The following GABBR1 variants were observed in gnomAD, a reference collection of about 807,000 sequenced individuals.
GABBR1 encodes GABA-B receptor, R1 subunit.
Under a neutral mutation model 117.7 loss-of-function variants are expected in GABBR1, and 35 were observed. The ratio of observed to expected loss-of-function variants is 0.30; its 90% CI spans 0.23 to 0.39. GABBR1 has a LOEUF of 0.39. GABBR1 is among the 10% of genes least tolerant of loss of function. GABBR1 has a pLI of 1.00. For missense variants in GABBR1, 709 were observed against 1,241.8 expected (o/e 0.57, Z 6.45); for synonymous variants, 442 against 486.6 (o/e 0.91, Z 1.21).
rs771277439 is a variant in GABBR1 at position 29,631,511 on chromosome 6, T to G, written c.174A>C (p.Pro58=). The part of the protein sequence containing the change: ...RDQVKAINFL[P]VDYEIEYVCR... ...ACACATACTCAATCTCATAGTCCAC[T>G]GGCAGGAAGTTGATAGCCTTCACCT... is the stretch of plus-strand genomic sequence containing the variant. Residue 58 remains proline (P), a synonymous_variant, in exon 3 of 23, where the codon CCA becomes CCC. Coordinates refer to ENST00000377034, the MANE Select transcript of GABBR1 (RefSeq NM_001470.4). This position sits in a 1 kb window ranked among gnomAD's most constrained non-coding sequence, Gnocchi z 5.9. 6.2e-7 allele frequency: 1 copy of G among 1,614,210 alleles called. No individual in the cohort carries two copies. Among genetic ancestry groups the G allele is most frequent in the East Asian group, 2.2e-5 (1 of 44,886 alleles).
In GABBR1 at chr6:29,632,603, G is replaced by T; in HGVS notation, c.1-218C>A. On this transcript the variant is annotated intron_variant, in intron 1 of 22. Transcript: ENST00000377034. The surrounding 1 kb of genome is among the most constrained non-coding windows in gnomAD (Gnocchi z 5.8). ...TCCCCACCCTCCTCCTGCCTCCCTC[G>T]GCCCCCAACCCTCCCGGGACTCCAC... is the stretch of plus-strand genomic sequence containing the variant. The T allele has an allele frequency of 8.5e-7, 1 of 1,178,898 alleles. No homozygotes were observed. Among genetic ancestry groups the T allele is most frequent in the Non-Finnish European group, 1.1e-6 (1 of 869,806 alleles). The allele number at this position is 1,178,898 out of a possible 1,614,324, so 73.0% of individuals were successfully genotyped here. A position where few individuals can be genotyped will look rare whatever the true frequency, so the allele number is the denominator to read the frequency against.
At chr6:29,608,538 A>C in intron 16 of GABBR1, 63 bp downstream of exon 16, 1 of 1,534,898 alleles carries the variant, frequency 6.5e-7, no homozygotes, top group Non-Finnish European at 8.9e-7. Flanking sequence ...AAATCATGGA[A>C]GGTGCTCCTG....
Position 29,629,262 on chromosome 6 carries a change from A to G in GABBR1, c.476-155T>C, listed in dbSNP as rs548314040. The G allele has an allele frequency of 2.5e-4, 205 of 810,154 alleles. 3 individuals are homozygous for G. In the South Asian group the frequency reaches 2.9e-3, roughly 12 times the overall value. The allele number at this position is 810,154 out of a possible 1,614,324, so 50.2% of individuals were successfully genotyped here. ...GGGGAGGGTGCCTGGGGATAAGAAC[A>G]AGGTGGGTCTGGGGGTAAGGGGGTC... is the stretch of plus-strand genomic sequence containing the variant. On this transcript the variant is annotated intron_variant, in intron 4 of 22. Coordinates refer to ENST00000377034, the MANE Select transcript of GABBR1 (RefSeq NM_001470.4).
chr6:29,610,880 C>T (rs1239036177), intron 14 of GABBR1, 44 bp downstream of exon 14: 5 of 1,526,362 alleles, frequency 3.3e-6, no homozygotes, highest in Non-Finnish European at 4.5e-6. Context: ...TTTCCCTTGA[C>T]TGTCGAGAGG....
chr6:29,614,981 C>CAAAAAAAAA (rs202165362), intron 11 of GABBR1, among the ~76,000 whole-genome samples: 14 of 81,152 alleles, frequency 1.7e-4, no homozygotes, highest in South Asian at 4.4e-4. Flanking sequence ...TAAAACTGCT[C>CAAAAAAAAA]AAAAAAAAAA....
Position 29,609,978 on chromosome 6 carries a change from A to C in GABBR1, c.1709-599T>G, listed in dbSNP as rs1031360649. On this transcript the variant is annotated intron_variant, in intron 14 of 22. Coordinates refer to ENST00000377034, the MANE Select transcript of GABBR1 (RefSeq NM_001470.4). This position sits in a 1 kb window ranked among gnomAD's most constrained non-coding sequence, Gnocchi z 4.3. The stretch of plus-strand genomic sequence containing the variant: ...TTGTCAGAGTTCACCAAAAAAAACT[A>C]ATTTCAATTTGCTTAGTTTTTTTTT... 2.6e-5 allele frequency among the ~76,000 whole-genome samples: 4 copies of C among 152,000 alleles called. No individual in the cohort carries two copies. Among genetic ancestry groups the C allele is most frequent in the Admixed American group, 1.3e-4 (2 of 15,262 alleles).
At position 29,609,660 on chromosome 6, in the gene GABBR1, T is replaced by C. The variant is rs1477877923; in HGVS notation, c.1709-281A>G. On this transcript the variant is annotated intron_variant, in intron 14 of 22. Coordinates refer to ENST00000377034, the MANE Select transcript of GABBR1 (RefSeq NM_001470.4). This position sits in a 1 kb window ranked among gnomAD's most constrained non-coding sequence, Gnocchi z 4.3. ...ATGCTGAGGCATGTCCCCAAAGTTG[T>C]AGTCTTTGTTTTTGTTTGTTCTTTA... is the stretch of plus-strand genomic sequence containing the variant. Among the ~76,000 whole-genome samples, 6 of 152,314 alleles carry C rather than the reference T, an allele frequency of 3.9e-5. No homozygotes were observed. The highest frequency in any genetic ancestry group is 8.8e-5 in the Non-Finnish European group (6 of 68,036).
Position 29,605,477 on chromosome 6 carries a change from G to T in GABBR1, c.2439+92C>A. The T allele has an allele frequency of 1.4e-6, 2 of 1,469,720 alleles. No homozygotes were observed. Among genetic ancestry groups the T allele is most frequent in the Non-Finnish European group, 9.3e-7 (1 of 1,080,118 alleles). The allele number at this position is 1,469,720 out of a possible 1,614,324, so 91.0% of individuals were successfully genotyped here. A position where few individuals can be genotyped will look rare whatever the true frequency, so the allele number is the denominator to read the frequency against. The stretch of plus-strand genomic sequence containing the variant: ...AACTTTTTAAGACTTCTAAGCAACC[G>T]ATCCCAGATCTAGCATTGATTCTTC... On this transcript the variant is annotated intron_variant, in intron 20 of 22. Coordinates refer to ENST00000377034, the MANE Select transcript of GABBR1 (RefSeq NM_001470.4). This position sits in a 1 kb window ranked among gnomAD's most constrained non-coding sequence, Gnocchi z 4.2.
chr6:29,631,100 C>G lies in GABBR1; in HGVS notation c.289+296G>C, dbSNP rs29219. On this transcript the variant is annotated intron_variant, in intron 3 of 22. Transcript: ENST00000377034. The surrounding 1 kb of genome is among the most constrained non-coding windows in gnomAD (Gnocchi z 5.9). ...TGAAATCATTTTAGAATTTTTTTGT[C>G]ATCATCTGCCACTAATGATCCTCAA... Among the ~76,000 whole-genome samples the G allele has an allele frequency of 0.04, 6,139 of 152,188 alleles. 205 individuals are homozygous for G. Among genetic ancestry groups the G allele is most frequent in the East Asian group, 0.11 (577 of 5,174 alleles).
Position 29,613,605 on chromosome 6 carries a change from A to G in GABBR1, c.1324-120T>C. 2 of 1,256,342 alleles carry G rather than the reference A, an allele frequency of 1.6e-6. No individual in the cohort carries two copies. Among genetic ancestry groups the G allele is most frequent in the Admixed American group, 4.3e-5 (2 of 46,694 alleles). The allele number at this position is 1,256,342 out of a possible 1,614,324, so 77.8% of individuals were successfully genotyped here. Reference sequence around the variant, plus strand: ...ATGGATGGTTTGTGTTACTGTTGTCAGATTGGACACATGTACATTCAAAAT... The same window carrying G: ...ATGGATGGTTTGTGTTACTGTTGTCGGATTGGACACATGTACATTCAAAAT... On this transcript the variant is annotated intron_variant, in intron 11 of 22. Transcript: ENST00000377034. The surrounding 1 kb of genome is among the most constrained non-coding windows in gnomAD (Gnocchi z 4.1).
In GABBR1 at chr6:29,627,697, G is replaced by A; in HGVS notation, c.497-51C>T. The A allele has an allele frequency of 6.5e-7, 1 of 1,532,178 alleles. No individual in the cohort carries two copies. Among genetic ancestry groups the A allele is most frequent in the Non-Finnish European group, 8.7e-7 (1 of 1,144,308 alleles). The allele number at this position is 1,532,178 out of a possible 1,614,324, so 94.9% of individuals were successfully genotyped here. The stretch of plus-strand genomic sequence containing the variant: ...CGAGTGAGGCCGCGGGAGATGGGGG[G>A]AGTGGGAGGCCCACACCGGAGCCAC... On this transcript the variant is annotated intron_variant, in intron 5 of 22. Coordinates refer to ENST00000377034, the MANE Select transcript of GABBR1 (RefSeq NM_001470.4). The surrounding 1 kb of genome is among the most constrained non-coding windows in gnomAD (Gnocchi z 4.4).
rs1357409739 is a variant in GABBR1 at position 29,622,421 on chromosome 6, C to A, written c.964-216G>T. ...TCCAAGTGGGAAGGTGAATGGTGAG[C>A]CCCTGCTGAGGCTCTGTGTGGGGGA... On this transcript the variant is annotated intron_variant, in intron 8 of 22. Coordinates refer to ENST00000377034, the MANE Select transcript of GABBR1 (RefSeq NM_001470.4). The surrounding 1 kb of genome is among the most constrained non-coding windows in gnomAD (Gnocchi z 4.6). 5.2e-6 allele frequency: 3 copies of A among 572,778 alleles called. No homozygotes were observed. The East Asian group carries it at 8.5e-5, about 16-fold the overall frequency. 35.5% of individuals were successfully genotyped at this position (572,778 alleles called of 1,614,324 possible).
At position 29,613,489 on chromosome 6, in the gene GABBR1, G is replaced by C. The variant is rs373970850; in HGVS notation, c.1324-4C>G. The C allele has an allele frequency of 6.2e-7, 1 of 1,610,928 alleles. No individual in the cohort carries two copies. The highest frequency in any genetic ancestry group is 8.5e-7 in the Non-Finnish European group (1 of 1,178,596). ...TCTCCACAAATTCCTGGGATGTCTT[G>C]GGAGGAAAAAATCATGAGGAAAGAA... On this transcript the variant is annotated splice_polypyrimidine_tract_variant and splice_region_variant and intron_variant, in intron 11 of 22. Coordinates refer to ENST00000377034, the MANE Select transcript of GABBR1 (RefSeq NM_001470.4). The surrounding 1 kb of genome is among the most constrained non-coding windows in gnomAD (Gnocchi z 4.1).
In GABBR1 at chr6:29,621,117, C is replaced by T. The variant is rs145472576; in HGVS notation, c.1307G>A (p.Arg436His). 1.4e-5 allele frequency: 22 copies of T among 1,612,422 alleles called. No individual in the cohort carries two copies. In the African/African-American group the frequency reaches 2.0e-4, roughly 15 times the overall value. Residue 436 changes from arginine to histidine, a missense_variant, in exon 11 of 23, where the codon CGC becomes CAC. Arg to His is a conservative substitution (Grantham distance 29). Transcript: ENST00000377034. The surrounding 1 kb of genome is among the most constrained non-coding windows in gnomAD (Gnocchi z 5.0). ...EIVMLNPANTRSISNMTSQEF... is the reference protein window; with the variant it reads ...EIVMLNPANTHSISNMTSQEF... ...CACTCTCACCATGTTGGAAATGCTG[C>T]GGGTATTGGCAGGATTCAGCATGAC...
intron 13 of GABBR1, 60 bp downstream of exon 13, chr6:29,612,491 C>T: frequency 6.9e-7 from 1 of 1,455,212 alleles, no homozygotes; most frequent in East Asian, 2.3e-5. Flanking sequence ...CCCCAGGGGG[C>T]ATCCCAGCCC....
At chr6:29,610,804 C>A in intron 14 of GABBR1, 120 bp downstream of exon 14, 1 of 824,414 alleles carries the variant, frequency 1.2e-6, no homozygotes, top group South Asian at 1.6e-5. Flanking sequence ...TTCTCCTGGC[C>A]CAGCTGCCAG....
At position 29,627,466 on chromosome 6, in the gene GABBR1, AC is replaced by A. The variant is rs1224540745; in HGVS notation, c.657+19del. On this transcript the variant is annotated intron_variant, in intron 6 of 22. Transcript: ENST00000377034. The surrounding 1 kb of genome is among the most constrained non-coding windows in gnomAD (Gnocchi z 4.4). Reference sequence around the variant, plus strand: ...CCCCGCAAGCCCCCACCTCCCACCCACCCCCATGTCCAGGGCTACCTTGCTG... The same window carrying A: ...CCCCGCAAGCCCCCACCTCCCACCCACCCCATGTCCAGGGCTACCTTGCTG... The A allele has an allele frequency of 7.4e-6, 3 of 407,736 alleles. No individual in the cohort carries two copies. The highest frequency in any genetic ancestry group is 4.6e-5 in the African/African-American group (1 of 21,636). 25.3% of individuals were successfully genotyped at this position (407,736 alleles called of 1,614,324 possible).
Position 29,622,271 on chromosome 6 carries a change from G to T in GABBR1, c.964-66C>A. ...GCATGAGGGAATAAAGACCAGAGAG[G>T]TTAACTGGGGATTTCAGAGCAATAC... is the stretch of plus-strand genomic sequence containing the variant. On this transcript the variant is annotated intron_variant, in intron 8 of 22. Transcript: ENST00000377034. This position sits in a 1 kb window ranked among gnomAD's most constrained non-coding sequence, Gnocchi z 4.6. The T allele has an allele frequency of 9.6e-7, 1 of 1,038,898 alleles. No individual in the cohort carries two copies. Among genetic ancestry groups the T allele is most frequent in the Non-Finnish European group, 1.5e-6 (1 of 666,648 alleles). The allele number at this position is 1,038,898 out of a possible 1,614,324, so 64.4% of individuals were successfully genotyped here. A position where few individuals can be genotyped will look rare whatever the true frequency, so the allele number is the denominator to read the frequency against.
rs1178985697 is a variant in GABBR1, at chr6:29,606,871, C to T, written c.2217+26G>A. 2 of 1,594,406 alleles carry T rather than the reference C, an allele frequency of 1.3e-6. No homozygotes were observed. Among genetic ancestry groups the T allele is most frequent in the Non-Finnish European group, 1.7e-6 (2 of 1,162,304 alleles). ...CACTGAGCCCTGCTCATTCTCCTGACCATAGCACCTCCTCTCCAGTGGTAC... is the reference window on the plus strand; with the variant it reads ...CACTGAGCCCTGCTCATTCTCCTGATCATAGCACCTCCTCTCCAGTGGTAC... On this transcript the variant is annotated intron_variant, in intron 18 of 22. Coordinates refer to ENST00000377034, the MANE Select transcript of GABBR1 (RefSeq NM_001470.4). This position sits in a 1 kb window ranked among gnomAD's most constrained non-coding sequence, Gnocchi z 4.5.
Sources: allele counts gnomAD v4.1 joint callset (sites outside exome capture counted in the v4.1 genomes callset), GRCh38; gene constraint gnomAD v4.1.1; non-coding constraint Gnocchi (gnomAD v3.1); transcripts MANE v1.5; gene names NCBI Gene and HGNC (gene_info 2026-07-23, HGNC 2026-07-21).